The following RICTOR variants were observed in gnomAD, a reference collection of about 807,000 sequenced individuals.
The protein encoded by RICTOR is rapamycin-insensitive companion of mTOR.
RICTOR carries 49 observed loss-of-function variants against 214.9 expected under a neutral mutation model. The observed-to-expected ratio is 0.23, with a 90% CI of 0.18 to 0.29. RICTOR has a LOEUF of 0.29. Among genes scored for constraint, RICTOR ranks in the 10% least tolerant of loss-of-function variants. RICTOR has a pLI of 1.00. For missense variants in RICTOR, 1,625 were observed against 2,047.0 expected, an observed-to-expected ratio of 0.79 and a Z score of 3.98; for synonymous variants, 717 against 711.3, an observed-to-expected ratio of 1.01 and a Z score of -0.13.
intron 7 of RICTOR, among the ~76,000 whole-genome samples, chr5:38,988,428 T>A (rs1183862455): frequency 6.6e-6 from 1 of 152,138 alleles, no homozygotes; most frequent in Non-Finnish European, 1.5e-5. Flanking sequence ...GTTGTTTTGA[T>A]CCCTTTACCA....
At chr5:39,025,762 C>T (rs1755767494) in intron 2 of RICTOR, among the ~76,000 whole-genome samples, 3 of 152,152 alleles carry the variant, frequency 2.0e-5, no homozygotes, top group African/African-American at 7.2e-5. Flanking sequence ...GAGGGCTTCA[C>T]CCTTATGACC....
At chr5:39,019,165 C>T (rs896105998) in intron 3 of RICTOR, among the ~76,000 whole-genome samples, 1 of 152,060 alleles carries the variant, frequency 6.6e-6, no homozygotes, top group Admixed American at 6.6e-5. Context: ...AGGAAAGAAC[C>T]CATCTCCGTA....
rs1747510299 is a variant in RICTOR, at chr5:38,941,022, A to AT, written c.*1281dup. The stretch of plus-strand genomic sequence containing the variant: ...AGATCTCAAAAAAGATAATCCTTTC[A>AT]TTTACAAGCATTCAAATGATGGCCA... On this transcript the variant is annotated 3_prime_UTR_variant, in exon 38 of 38. Transcript: ENST00000357387. 1 of 232,864 alleles carries AT rather than the reference A, an allele frequency of 4.3e-6. No individual in the cohort carries two copies. Among genetic ancestry groups the AT allele is most frequent in the Non-Finnish European group, 8.5e-6 (1 of 117,562 alleles). The allele number at this position is 232,864 out of a possible 1,614,324, so 14.4% of individuals were successfully genotyped here.
intron 2 of RICTOR, among the ~76,000 whole-genome samples, chr5:39,062,753 A>G (rs1758638741): frequency 6.6e-6 from 1 of 152,108 alleles, no homozygotes; most frequent in Non-Finnish European, 1.5e-5. Flanking sequence ...TAGGAAACAC[A>G]TGAAATTTCA....
chr5:38,964,308 C>T (rs762082411), intron 16 of RICTOR, among the ~76,000 whole-genome samples: 4 of 151,702 alleles, frequency 2.6e-5, no homozygotes, highest in African/African-American at 9.7e-5. Flanking sequence ...TAATTTTGTT[C>T]GTAAATTCTA....
Position 39,032,035 on chromosome 5 carries a change from A to G in RICTOR, c.98-10899T>C, listed in dbSNP as rs527845601. 8.9e-4 allele frequency among the ~76,000 whole-genome samples: 136 copies of G among 152,324 alleles called. 1 individual carries two copies. The highest frequency in any genetic ancestry group is 1.3e-3 in the Non-Finnish European group (86 of 68,010). On this transcript the variant is annotated intron_variant, in intron 2 of 37. Transcript: ENST00000357387. The stretch of plus-strand genomic sequence containing the variant: ...ACAATTATTAATTTCAAAAAGTTAT[A>G]TAATTTAGTAGAGAAAGGCTGTATC...
chr5:39,031,275 G>A (rs1756252384), intron 2 of RICTOR, among the ~76,000 whole-genome samples: 1 of 152,168 alleles, frequency 6.6e-6, no homozygotes, highest in Non-Finnish European at 1.5e-5. Flanking sequence ...AGGCAGTTAA[G>A]CAAACTCTGA....
Position 38,974,323 on chromosome 5 carries a change from C to T in RICTOR, c.889+1214G>A, listed in dbSNP as rs187949207. 1.0e-4 allele frequency among the ~76,000 whole-genome samples: 15 copies of T among 150,450 alleles called. No individual in the cohort carries two copies. In the East Asian group the frequency reaches 2.6e-3, roughly 26 times the overall value. Reference sequence around the variant, plus strand: ...CCTTAGCATGAGCGACTGCACCCAGCCCCACCCCTCTAAGTTTCTAATGAT... The same window carrying T: ...CCTTAGCATGAGCGACTGCACCCAGTCCCACCCCTCTAAGTTTCTAATGAT... On this transcript the variant is annotated intron_variant, in intron 10 of 37. Coordinates refer to ENST00000357387, the MANE Select transcript of RICTOR (RefSeq NM_152756.5).
chr5:39,066,595 A>C (rs1340086036), intron 2 of RICTOR, among the ~76,000 whole-genome samples: 3 of 152,172 alleles, frequency 2.0e-5, no homozygotes. Context: ...AAATTTCCCA[A>C]ACCTTTATGC....
chr5:38,980,809 AC>A (rs1751659323), intron 8 of RICTOR: 1 of 152,196 alleles, frequency 6.6e-6, no homozygotes, highest in Non-Finnish European at 1.5e-5. Flanking sequence ...TTGTGCCACT[AC>A]ACTTAAGCCT....
chr5:38,992,124 T>TC (rs1400526215), intron 6 of RICTOR, among the ~76,000 whole-genome samples: 2 of 152,146 alleles, frequency 1.3e-5, no homozygotes, highest in Non-Finnish European at 2.9e-5. Context: ...TAAGACATAT[T>TC]ACAAAGTTCA....
chr5:39,013,633 C>T (rs564426340), intron 3 of RICTOR, among the ~76,000 whole-genome samples: 1 of 152,032 alleles, frequency 6.6e-6, no homozygotes, highest in South Asian at 2.1e-4. Context: ...AAACAACAAC[C>T]CTAATTTTAA....
At chr5:38,994,942 CAA>C (rs907770014) in intron 6 of RICTOR, among the ~76,000 whole-genome samples, 18 of 152,150 alleles carry the variant, frequency 1.2e-4, no homozygotes, top group Admixed American at 9.2e-4. Context: ...CATAGCAATA[CAA>C]AGACATTATT....
chr5:38,991,787 T>TAC (rs1185872335), intron 6 of RICTOR, among the ~76,000 whole-genome samples: 19 of 152,184 alleles, frequency 1.2e-4, no homozygotes, highest in Non-Finnish European at 2.6e-4. Flanking sequence ...ACAGGTAACA[T>TAC]ATGTCTTTGA....
At chr5:39,018,090 T>C (rs999729719) in intron 3 of RICTOR, among the ~76,000 whole-genome samples, 1 of 152,164 alleles carries the variant, frequency 6.6e-6, no homozygotes, top group Non-Finnish European at 1.5e-5. Context: ...CTGTTTTCTA[T>C]TTTAGGGTAT....
chr5:38,960,224 A>AG lies in RICTOR; in HGVS notation c.1851+173_1851+174insC, dbSNP rs1228664587. ...GGGCAGATAACTTGCCCAGTCTCAT[A>AG]ACTAGTGACTAAGTCGGGATTCAAC... On this transcript the variant is annotated intron_variant, in intron 20 of 37. Coordinates refer to ENST00000357387, the MANE Select transcript of RICTOR (RefSeq NM_152756.5). 4.0e-3 allele frequency among the ~76,000 whole-genome samples: 3 copies of AG among 752 alleles called. No individual in the cohort carries two copies. The Admixed American group carries it at 0.1, about 25-fold the overall frequency. The allele number at this position is 752 out of a possible 152,430, so 0.5% of individuals were successfully genotyped here. A position where few individuals can be genotyped will look rare whatever the true frequency, so the allele number is the denominator to read the frequency against.
chr5:39,004,930 T>C (rs986056593), intron 3 of RICTOR, among the ~76,000 whole-genome samples: 4 of 151,818 alleles, frequency 2.6e-5, no homozygotes, highest in South Asian at 2.1e-4. Context: ...TACAGGCATG[T>C]GCCACCACGC....
At chr5:39,051,042 T>C (rs62359846) in intron 2 of RICTOR, among the ~76,000 whole-genome samples, 4,141 of 145,720 alleles carry the variant, frequency 0.028, 133 homozygotes, top group African/African-American at 0.087. Context: ...TACATATATA[T>C]ACACACACAC....
intron 37 of RICTOR, 35 bp downstream of exon 37, chr5:38,942,798 G>C (rs1458446525): frequency 4.0e-6 from 6 of 1,484,516 alleles, no homozygotes; most frequent in Non-Finnish European, 4.7e-6. Context: ...AATTATTCTT[G>C]GAAGATAAAT....
Sources: allele counts gnomAD v4.1 joint callset (sites outside exome capture counted in the v4.1 genomes callset), GRCh38; gene constraint gnomAD v4.1.1; transcripts MANE v1.5; gene names NCBI Gene and HGNC (gene_info 2026-07-23, HGNC 2026-07-21).